The following SLC44A4 variants were observed in gnomAD, a reference collection of about 807,000 sequenced individuals.
SLC44A4 encodes solute carrier family 44 member 4.
SLC44A4 carries 74 observed loss-of-function variants against 97.0 expected under a neutral mutation model. The ratio of observed to expected loss-of-function variants is 0.76; its 90% CI spans 0.63 to 0.93. The LOEUF (loss-of-function observed/expected upper bound fraction) is 0.93. Ranked by LOEUF, SLC44A4 falls within the 40% of genes least tolerant of loss-of-function variation. The pLI is 0.00. For missense variants in SLC44A4, 799 were observed against 902.9 expected (o/e 0.88, Z 1.48); for synonymous variants, 325 against 363.8 (o/e 0.89, Z 1.21).
Position 31,864,930 on chromosome 6 carries a change from G to A in SLC44A4, c.1832-20C>T. On this transcript the variant is annotated intron_variant, in intron 18 of 20. Coordinates refer to ENST00000229729, the MANE Select transcript of SLC44A4 (RefSeq NM_025257.3). The stretch of plus-strand genomic sequence containing the variant: ...GGACCCCTGTGGAATAATTCTGGGG[G>A]TTAGTGCTGCACCTCTGAGGCCACC... 1 of 1,613,728 alleles carries A rather than the reference G, an allele frequency of 6.2e-7. No individual in the cohort carries two copies.
chr6:31,871,387 C>CA lies in SLC44A4; in HGVS notation c.627dup (p.Asp210Ter). The CA allele has an allele frequency of 6.2e-7, 1 of 1,614,074 alleles. No homozygotes were observed. The highest frequency in any genetic ancestry group is 8.5e-7 in the Non-Finnish European group (1 of 1,180,026). On this transcript the variant is annotated frameshift_variant, in exon 9 of 21. Transcript: ENST00000229729. LOFTEE classifies it high-confidence loss of function. Reference sequence around the variant, plus strand: ...CTGATGTCTCGGGCATTGAGGCTGTCAATAAGACCGCTGTTGGGGAGACAG... The same window carrying CA: ...CTGATGTCTCGGGCATTGAGGCTGTCAAATAAGACCGCTGTTGGGGAGACAG...
Position 31,865,867 on chromosome 6 carries a change from C to T in SLC44A4, c.1487+6G>A. 1 of 1,614,122 alleles carries T rather than the reference C, an allele frequency of 6.2e-7. No homozygotes were observed. The highest frequency in any genetic ancestry group is 8.5e-7 in the Non-Finnish European group (1 of 1,179,980). On this transcript the variant is annotated splice_donor_region_variant and intron_variant, in intron 14 of 20. Coordinates refer to ENST00000229729, the MANE Select transcript of SLC44A4 (RefSeq NM_025257.3). This position sits in a 1 kb window ranked among gnomAD's most constrained non-coding sequence, Gnocchi z 5.2. ...TACAATGACCAGGCCCCTGCCCCAT[C>T]CTTACCGGAGTGTGCGGATGAAGGC...
intron 12 of SLC44A4, 28 bp downstream of exon 12, chr6:31,869,517 A>G (rs1429675782): frequency 2.6e-6 from 4 of 1,560,718 alleles, no homozygotes; most frequent in Admixed American, 1.8e-5. Context: ...GGACTCCAAG[A>G]GTGGCTGGCT....
chr6:31,867,075 T>C (rs746219345), intron 13 of SLC44A4, among the ~76,000 whole-genome samples: 7 of 151,740 alleles, frequency 4.6e-5, no homozygotes, highest in Non-Finnish European at 7.4e-5. Context: ...TTCTAGCAAA[T>C]ATAACCAAAA....
Position 31,877,198 on chromosome 6 carries a change from C to G in SLC44A4, c.41-116G>C. The stretch of plus-strand genomic sequence containing the variant: ...CCTCAGGTGTTTGGAGGGAGATGGG[C>G]TAGGGCAGGACTGGCAGGAGGGGAA... On this transcript the variant is annotated intron_variant, in intron 1 of 20. Transcript: ENST00000229729. This position sits in a 1 kb window ranked among gnomAD's most constrained non-coding sequence, Gnocchi z 6.5. 1 of 1,089,414 alleles carries G rather than the reference C, an allele frequency of 9.2e-7. No homozygotes were observed. The highest frequency in any genetic ancestry group is 2.6e-5 in the East Asian group (1 of 39,170). 67.5% of individuals were successfully genotyped at this position (1,089,414 alleles called of 1,614,324 possible).
chr6:31,864,734 G>A lies in SLC44A4; in HGVS notation c.1929C>T (p.Thr643=). 6.2e-7 allele frequency: 1 copy of A among 1,614,178 alleles called. No homozygotes were observed. Among genetic ancestry groups the A allele is most frequent in the Non-Finnish European group, 8.5e-7 (1 of 1,180,020 alleles). The change falls in exon 20 of 21, where the codon ACC becomes ACT. Residue 643 remains threonine, a splice_region_variant and synonymous_variant. Transcript: ENST00000229729. ...CGATGACATAGGCCCCCAGGATGGA[G>A]GTCTGGAAGACATGACCCGTTGGGG... The part of the protein sequence containing the change: ...HLNYYWLPIM[T]SILGAYVIAS...
Position 31,878,769 on chromosome 6 carries a change from C to T in SLC44A4, c.40+172G>A, listed in dbSNP as rs1289220479. On this transcript the variant is annotated intron_variant, in intron 1 of 20. Transcript: ENST00000229729. This position sits in a 1 kb window ranked among gnomAD's most constrained non-coding sequence, Gnocchi z 4.0. ...ACAGCCCCAGCCCCCGGGCCCCATC[C>T]TCCTCCCAGGACCCTGACTCCCTCC... is the stretch of plus-strand genomic sequence containing the variant. 6.6e-6 allele frequency among the ~76,000 whole-genome samples: 1 copy of T among 152,142 alleles called. No homozygotes were observed. The highest frequency in any genetic ancestry group is 1.5e-5 in the Non-Finnish European group (1 of 68,010).
rs542943674 is a variant in SLC44A4, at chr6:31,865,186, G to A, written c.1761-106C>T. ...CTGGTGCAAAATGAAAATTGTTCAC[G>A]TTTCAAGATGGCAAGAGCAGAGCAC... On this transcript the variant is annotated intron_variant, in intron 17 of 20. Coordinates refer to ENST00000229729, the MANE Select transcript of SLC44A4 (RefSeq NM_025257.3). The surrounding 1 kb of genome is among the most constrained non-coding windows in gnomAD (Gnocchi z 5.2). 3.9e-6 allele frequency: 6 copies of A among 1,531,222 alleles called. No individual in the cohort carries two copies. The East Asian group carries it at 9.0e-5, about 23-fold the overall frequency. The allele number at this position is 1,531,222 out of a possible 1,614,324, so 94.9% of individuals were successfully genotyped here.
At position 31,877,544 on chromosome 6, in the gene SLC44A4, GC is replaced by G; in HGVS notation, c.41-463del. ...GAGGTCATGGCCTCTTCCCCTATCT[GC>G]CCCAGGCCCTACCTTACCCTCTGGT... is the stretch of plus-strand genomic sequence containing the variant. On this transcript the variant is annotated intron_variant, in intron 1 of 20. Coordinates refer to ENST00000229729, the MANE Select transcript of SLC44A4 (RefSeq NM_025257.3). This position sits in a 1 kb window ranked among gnomAD's most constrained non-coding sequence, Gnocchi z 6.5. The G allele has an allele frequency of 2.1e-6, 2 of 971,308 alleles. No individual in the cohort carries two copies. The highest frequency in any genetic ancestry group is 2.5e-6 in the Non-Finnish European group (2 of 813,610). The allele number at this position is 971,308 out of a possible 1,614,324, so 60.2% of individuals were successfully genotyped here.
At chr6:31,867,082 A>C (rs564658413) in intron 13 of SLC44A4, among the ~76,000 whole-genome samples, 1 of 151,924 alleles carries the variant, frequency 6.6e-6, no homozygotes, top group South Asian at 2.1e-4. Flanking sequence ...AAATATAACC[A>C]AAAAAATTTT....
chr6:31,873,706 T>C (rs1240167852), intron 7 of SLC44A4, among the ~76,000 whole-genome samples: 1 of 151,814 alleles, frequency 6.6e-6, no homozygotes, highest in Admixed American at 6.6e-5. Context: ...ACTGTGATCC[T>C]ACCACCCAGC....
chr6:31,875,759 C>A, intron 4 of SLC44A4, 93 bp downstream of exon 4: 1 of 1,149,956 alleles, frequency 8.7e-7, no homozygotes, highest in Non-Finnish European at 1.3e-6. Flanking sequence ...TGTGGAAGAG[C>A]ACGGACAGGT....
At position 31,865,527 on chromosome 6, in the gene SLC44A4, T is replaced by C. The variant is rs371746398; in HGVS notation, c.1657A>G (p.Lys553Glu). Residue 553 changes from lysine to glutamate, a missense_variant, in exon 16 of 21, where the codon AAG becomes GAG. Coordinates refer to ENST00000229729, the MANE Select transcript of SLC44A4 (RefSeq NM_025257.3). This position sits in a 1 kb window ranked among gnomAD's most constrained non-coding sequence, Gnocchi z 5.2. ...ATGTATGCATTGCGGTTTAGGAACT[T>C]GATAAATTTTTCCAGACACCAGAGG... is the stretch of plus-strand genomic sequence containing the variant. ...CCLWCLEKFIKFLNRNAYIMI... is the reference protein window; with the variant it reads ...CCLWCLEKFIEFLNRNAYIMI... 1.9e-6 allele frequency: 3 copies of C among 1,600,774 alleles called. No homozygotes were observed. The highest frequency in any genetic ancestry group is 2.6e-6 in the Non-Finnish European group (3 of 1,170,592).
At position 31,865,192 on chromosome 6, in the gene SLC44A4, AG is replaced by A; in HGVS notation, c.1761-113del. 1 of 1,528,772 alleles carries A rather than the reference AG, an allele frequency of 6.5e-7. No homozygotes were observed. Among genetic ancestry groups the A allele is most frequent in the Non-Finnish European group, 9.1e-7 (1 of 1,102,720 alleles). 94.7% of individuals were successfully genotyped at this position (1,528,772 alleles called of 1,614,324 possible). A position where few individuals can be genotyped will look rare whatever the true frequency, so the allele number is the denominator to read the frequency against. ...CAAAATGAAAATTGTTCACGTTTCAAGATGGCAAGAGCAGAGCACTAAACTA... is the reference window on the plus strand; with the variant it reads ...CAAAATGAAAATTGTTCACGTTTCAAATGGCAAGAGCAGAGCACTAAACTA... On this transcript the variant is annotated intron_variant, in intron 17 of 20. Transcript: ENST00000229729. The surrounding 1 kb of genome is among the most constrained non-coding windows in gnomAD (Gnocchi z 5.2).
Position 31,869,159 on chromosome 6 carries a change from G to A in SLC44A4, c.1229C>T (p.Pro410Leu). 6.2e-7 allele frequency: 1 copy of A among 1,605,884 alleles called. No homozygotes were observed. Among genetic ancestry groups the A allele is most frequent in the Non-Finnish European group, 8.5e-7 (1 of 1,176,386 alleles). Residue 410 changes from proline to leucine, a missense_variant, in exon 13 of 21, where the codon CCC (proline) becomes CTC (leucine). Pro to Leu is a moderately conservative substitution (Grantham distance 98). This residue lies in a region of SLC44A4 where 379 missense variants were observed against 438.3 expected (regional missense o/e 0.86). Transcript: ENST00000229729. Reference sequence around the variant, plus strand: ...ATGTCCCCTGCTTCCTCTTACCGTGGGGTTGCATGATGTATTTATTGGCAC... The same window carrying A: ...ATGTCCCCTGCTTCCTCTTACCGTGAGGTTGCATGATGTATTTATTGGCAC... ...EKVPINTSCN[P>L]TAHLVNSSCP... is the part of the protein sequence containing the mutation.
At chr6:31,869,013 G>T in intron 13 of SLC44A4, 142 bp downstream of exon 13, 1 of 625,586 alleles carries the variant, frequency 1.6e-6, no homozygotes. Context: ...GTTTCTTCTA[G>T]CTCTGCTGGG....
chr6:31,871,602 C>T (rs775097596), intron 7 of SLC44A4, 41 bp from the exon 8 acceptor site: 7 of 1,519,808 alleles, frequency 4.6e-6, no homozygotes, highest in Middle Eastern at 1.9e-4. Flanking sequence ...GGGCCAGGAG[C>T]TCTGCCTGGA....
intron 12 of SLC44A4, 76 bp from the exon 13 acceptor site, chr6:31,869,333 G>A: frequency 3.3e-6 from 4 of 1,211,296 alleles, no homozygotes; most frequent in Non-Finnish European, 4.7e-6. Context: ...CTGTTCCTAG[G>A]TGCTTGTGCA....
Position 31,865,857 on chromosome 6 carries a change from C to T in SLC44A4, c.1487+16G>A, listed in dbSNP as rs191624735. 4.9e-4 allele frequency: 790 copies of T among 1,614,020 alleles called. 4 individuals are homozygous for T. The highest frequency in any genetic ancestry group is 4.0e-5 in the Non-Finnish European group (47 of 1,179,926). Reference sequence around the variant, plus strand: ...CCCCCGTGCCTACAATGACCAGGCCCCTGCCCCATCCTTACCGGAGTGTGC... The same window carrying T: ...CCCCCGTGCCTACAATGACCAGGCCTCTGCCCCATCCTTACCGGAGTGTGC... On this transcript the variant is annotated intron_variant, in intron 14 of 20. Coordinates refer to ENST00000229729, the MANE Select transcript of SLC44A4 (RefSeq NM_025257.3). The surrounding 1 kb of genome is among the most constrained non-coding windows in gnomAD (Gnocchi z 5.2).
Sources: allele counts gnomAD v4.1 joint callset (sites outside exome capture counted in the v4.1 genomes callset), GRCh38; gene constraint gnomAD v4.1.1; regional missense constraint gnomAD v4.1.1; non-coding constraint Gnocchi (gnomAD v3.1); transcripts MANE v1.5; gene names NCBI Gene and HGNC (gene_info 2026-07-23, HGNC 2026-07-21).